GNAO1: variants seen among roughly 807,000 people sequenced by gnomAD.
GNAO1 encodes the protein guanine nucleotide-binding protein G(o) subunit alpha.
For missense variants in GNAO1, 166 were observed against 478.7 expected (o/e 0.35, Z 6.10); for synonymous variants, 164 against 180.7 (o/e 0.91, Z 0.74).
chr16:56,296,662 A>G (rs2037290792), intron 3 of GNAO1, among the ~76,000 whole-genome samples: 1 of 152,124 alleles, frequency 6.6e-6, no homozygotes, highest in Non-Finnish European at 1.5e-5. Flanking sequence ...TGGCCTTCAA[A>G]CAGTGACAGC....
chr16:56,207,390 C>A (rs771957416), intron 2 of GNAO1, among the ~76,000 whole-genome samples: 2 of 152,178 alleles, frequency 1.3e-5, no homozygotes, highest in Non-Finnish European at 2.9e-5. Flanking sequence ...AATTGAAATT[C>A]CCTAAATGGT....
chr16:56,260,203 C>G (rs995848297), intron 2 of GNAO1, among the ~76,000 whole-genome samples: 2 of 152,188 alleles, frequency 1.3e-5, no homozygotes, highest in Non-Finnish European at 2.9e-5. Flanking sequence ...TGCCGCTACT[C>G]TGTTCTCCCA....
intron 3 of GNAO1, among the ~76,000 whole-genome samples, chr16:56,304,027 C>T (rs1246211992): frequency 2.6e-5 from 4 of 152,236 alleles, no homozygotes; most frequent in Non-Finnish European, 5.9e-5. Context: ...CTACCAAGTT[C>T]ATTCACTTGG....
At chr16:56,318,430 C>T (rs2037536221) in intron 3 of GNAO1, among the ~76,000 whole-genome samples, 1 of 152,254 alleles carries the variant, frequency 6.6e-6, no homozygotes, top group Non-Finnish European at 1.5e-5. Context: ...CCCTGCAATG[C>T]CTGGTCTCTG....
chr16:56,348,086 T>C (rs2037890082), intron 6 of GNAO1: 1 of 980,446 alleles, frequency 1.0e-6, no homozygotes, highest in South Asian at 4.7e-5. Context: ...ACTGTAATTT[T>C]GTAAGAAGAG....
At chr16:56,218,546 C>T (rs2036456072) in intron 2 of GNAO1, among the ~76,000 whole-genome samples, 1 of 152,124 alleles carries the variant, frequency 6.6e-6, no homozygotes, top group Admixed American at 6.5e-5. Flanking sequence ...GGGCCACCAG[C>T]ACTTGAGCAG....
intron 6 of GNAO1, chr16:56,343,962 C>G: frequency 6.2e-7 from 1 of 1,611,654 alleles, no homozygotes; most frequent in South Asian, 1.1e-5. Flanking sequence ...CCCAGCCGCC[C>G]TGCCCGGCAC....
At chr16:56,269,896 T>A (rs1404337904) in intron 2 of GNAO1, among the ~76,000 whole-genome samples, 6 of 152,008 alleles carry the variant, frequency 3.9e-5, no homozygotes, top group Admixed American at 6.5e-5. Context: ...GCCTCCAAGG[T>A]CCCTTCCAGC....
chr16:56,232,509 A>G (rs1454271708), intron 2 of GNAO1, among the ~76,000 whole-genome samples: 2 of 152,230 alleles, frequency 1.3e-5, no homozygotes, highest in African/African-American at 2.4e-5. Flanking sequence ...TTAGCATATT[A>G]AAGCCTCTGA....
intron 6 of GNAO1, chr16:56,343,779 A>G: frequency 6.2e-7 from 1 of 1,613,408 alleles, no homozygotes; most frequent in South Asian, 1.1e-5. Context: ...GCGCCTTCAC[A>G]GAAGCCGTGG....
At chr16:56,203,194 G>C (rs1229330144) in intron 2 of GNAO1, among the ~76,000 whole-genome samples, 4 of 152,096 alleles carry the variant, frequency 2.6e-5, no homozygotes, top group Non-Finnish European at 4.4e-5. Flanking sequence ...ACTCCACCGA[G>C]CTTTACTCAT....
intron 3 of GNAO1, among the ~76,000 whole-genome samples, chr16:56,298,120 C>G (rs573059850): frequency 6.6e-6 from 1 of 152,262 alleles, no homozygotes; most frequent in Non-Finnish European, 1.5e-5. Flanking sequence ...TACGGTAAGC[C>G]ATGTTCACGC....
intron 3 of GNAO1, among the ~76,000 whole-genome samples, chr16:56,321,348 TTA>T (rs2037569830): frequency 6.6e-6 from 1 of 152,178 alleles, no homozygotes. Context: ...CGTTGACATA[TTA>T]TGACTCAGGT....
intron 3 of GNAO1, among the ~76,000 whole-genome samples, chr16:56,312,364 G>A (rs371821241): frequency 5.3e-5 from 8 of 152,336 alleles, no homozygotes; most frequent in African/African-American, 1.4e-4. Context: ...GTAAGTGCTC[G>A]ACAGATACTG....
intron 6 of GNAO1, chr16:56,346,480 G>A: frequency 1.0e-6 from 1 of 985,212 alleles, no homozygotes; most frequent in East Asian, 1.1e-4. Flanking sequence ...TCATGCCTAT[G>A]GGCCAGTTTT....
At chr16:56,318,772 T>C (rs1440520621) in intron 3 of GNAO1, among the ~76,000 whole-genome samples, 1 of 152,254 alleles carries the variant, frequency 6.6e-6, no homozygotes, top group Non-Finnish European at 1.5e-5. Context: ...AGCAGGCTTA[T>C]TTTGTGTCAG....
intron 2 of GNAO1, among the ~76,000 whole-genome samples, chr16:56,204,743 A>G (rs1197200337): frequency 6.6e-6 from 1 of 152,202 alleles, no homozygotes; most frequent in Non-Finnish European, 1.5e-5. Context: ...AGCCAAACTC[A>G]AAAAATTTTT....
At chr16:56,218,360 T>G (rs1311570215) in intron 2 of GNAO1, among the ~76,000 whole-genome samples, 1 of 152,134 alleles carries the variant, frequency 6.6e-6, no homozygotes, top group African/African-American at 2.4e-5. Flanking sequence ...CCACCAGTCT[T>G]TTGGTTCTTG....
intron 2 of GNAO1, among the ~76,000 whole-genome samples, chr16:56,214,223 C>T (rs11640074): frequency 0.083 from 12,572 of 152,202 alleles, 576 homozygotes; most frequent in African/African-American, 0.11. Flanking sequence ...TGGGGCTTCC[C>T]GTTGGCCCTA....
Sources: gnomAD v4.1 joint callset for allele counts (sites outside exome capture counted in the v4.1 genomes callset) on GRCh38, gnomAD v4.1.1 for gene constraint, MANE v1.5 for transcripts, NCBI Gene and HGNC (gene_info 2026-07-23, HGNC 2026-07-21) for gene names.